The following TP73 variants were observed in gnomAD, a reference collection of about 807,000 sequenced individuals.
The protein encoded by TP73 is tumor protein p73, also known as p53-like transcription factor.
TP73 carries 25 observed loss-of-function variants against 62.5 expected under a neutral mutation model. The observed-to-expected ratio is 0.40, with a 90% CI of 0.29 to 0.56. The LOEUF is 0.56. TP73 is among the 20% of genes least tolerant of loss of function. The pLI, the probability that TP73 is intolerant of heterozygous loss-of-function variation, is 0.46. For synonymous variants in TP73, 423 were observed against 377.5 expected, an observed-to-expected ratio of 1.12 and a Z score of -1.40; for missense variants, 754 against 913.3, an observed-to-expected ratio of 0.83 and a Z score of 2.25.
chr1:3,727,347 G>A (rs1444849541), intron 7 of TP73, 123 bp downstream of exon 7: 1 of 1,075,126 alleles, frequency 9.3e-7, no homozygotes, highest in East Asian at 2.6e-5. Flanking sequence ...TTTGGGGTGT[G>A]CTGCTGGAGG....
intron 1 of TP73, among the ~76,000 whole-genome samples, chr1:3,658,517 G>C (rs550503759): frequency 6.9e-6 from 1 of 145,330 alleles, no homozygotes. Flanking sequence ...GGGAGGAAAC[G>C]TCTGGGCATA....
chr1:3,699,353 G>A lies in TP73; in HGVS notation c.187-8196G>A, dbSNP rs943076581. On this transcript the variant is annotated intron_variant, in intron 3 of 13. Coordinates refer to ENST00000378295, the MANE Select transcript of TP73 (RefSeq NM_005427.4). The surrounding 1 kb of genome is among the most constrained non-coding windows in gnomAD (Gnocchi z 4.1). ...GCCCACGAGAGATCAGGGAGTTTGAGGAGCGGCATACTCTCAAAAAACCAC... is the reference window on the plus strand; with the variant it reads ...GCCCACGAGAGATCAGGGAGTTTGAAGAGCGGCATACTCTCAAAAAACCAC... 3.9e-5 allele frequency among the ~76,000 whole-genome samples: 6 copies of A among 152,066 alleles called. No individual in the cohort carries two copies. Among genetic ancestry groups the A allele is most frequent in the African/African-American group, 1.5e-4 (6 of 41,376 alleles).
At chr1:3,690,827 C>T in intron 3 of TP73, 1 of 1,544,054 alleles carries the variant, frequency 6.5e-7, no homozygotes, top group Non-Finnish European at 8.7e-7. Context: ...CGTGACCCTT[C>T]CCCTCGGGCC....
intron 3 of TP73, among the ~76,000 whole-genome samples, chr1:3,704,422 C>T (rs547273349): frequency 5.3e-5 from 8 of 152,254 alleles, no homozygotes; most frequent in African/African-American, 1.7e-4. Flanking sequence ...CAGTGGCCAC[C>T]GTATCCAGGG....
At position 3,732,344 on chromosome 1, in the gene TP73, C is replaced by T. The variant is rs571157393; in HGVS notation, c.1579-403C>T. Among the ~76,000 whole-genome samples the T allele has an allele frequency of 5.9e-5, 9 of 152,356 alleles. No individual in the cohort carries two copies. In the South Asian group the frequency reaches 1.9e-3, roughly 32 times the overall value. On this transcript the variant is annotated intron_variant, in intron 13 of 13. Transcript: ENST00000378295. ...CCTGTCCCCAGTGACCCACGCTGAG[C>T]CAGCTCCAGGTCACGTTAACCCTTG...
chr1:3,732,091 C>T (rs1040054988), intron 13 of TP73, among the ~76,000 whole-genome samples: 15 of 152,318 alleles, frequency 9.8e-5, no homozygotes, highest in South Asian at 4.1e-4. Context: ...TAGCCTAGGA[C>T]GGTGTGAACC....
rs1273822691 is a variant in TP73 at position 3,736,137 on chromosome 1, T to G, written c.*3058T>G. 2 of 152,242 alleles carry G rather than the reference T, an allele frequency of 1.3e-5. No individual in the cohort carries two copies. The highest frequency in any genetic ancestry group is 4.8e-5 in the African/African-American group (2 of 41,460). The allele number at this position is 152,242 out of a possible 1,614,324, so 9.4% of individuals were successfully genotyped here. ...ATGTAATCTTGGGAAAATGTGTTATTTTTTTAGCTGTGTTTCAGTGGGGAT... is the reference window on the plus strand; with the variant it reads ...ATGTAATCTTGGGAAAATGTGTTATGTTTTTAGCTGTGTTTCAGTGGGGAT... On this transcript the variant is annotated 3_prime_UTR_variant, in exon 14 of 14. Transcript: ENST00000378295.
chr1:3,723,040 C>T (rs981864767), intron 5 of TP73, among the ~76,000 whole-genome samples: 1 of 150,608 alleles, frequency 6.6e-6, no homozygotes, highest in African/African-American at 2.4e-5. Context: ...CACCTCTCTG[C>T]ACCTGGCATG....
Position 3,682,342 on chromosome 1 carries a change from C to A in TP73, c.-24C>A, listed in dbSNP as rs754166662. 1 of 1,509,270 alleles carries A rather than the reference C, an allele frequency of 6.6e-7. No homozygotes were observed. 93.5% of individuals were successfully genotyped at this position (1,509,270 alleles called of 1,614,324 possible). Reference sequence around the variant, plus strand: ...TCCTTCCTTCCTGCAGAGCGAGCTGCCCTCGGAGGCCGGCGTGGGGAAGAT... The same window carrying A: ...TCCTTCCTTCCTGCAGAGCGAGCTGACCTCGGAGGCCGGCGTGGGGAAGAT... On this transcript the variant is annotated 5_prime_UTR_variant, in exon 2 of 14. Coordinates refer to ENST00000378295, the MANE Select transcript of TP73 (RefSeq NM_005427.4).
chr1:3,656,153 C>T (rs1052897848), intron 1 of TP73, among the ~76,000 whole-genome samples: 5 of 148,690 alleles, frequency 3.4e-5, no homozygotes, highest in African/African-American at 2.5e-5. Context: ...CCAGCCTGGG[C>T]GACAGAGCGA....
Position 3,730,015 on chromosome 1 carries a change from C to T in TP73, c.1212C>T (p.Pro404=). 6.2e-7 allele frequency: 1 copy of T among 1,604,750 alleles called. No individual in the cohort carries two copies. Among genetic ancestry groups the T allele is most frequent in the Non-Finnish European group, 8.5e-7 (1 of 1,174,302 alleles). Residue 404 remains proline, a synonymous_variant, in exon 11 of 14, where the codon CCC becomes CCT. Transcript: ENST00000378295. ...QLLQRPSHLQ[P]PSYGPVLSPM... ...TTCTGAGCAGGAGTCACCTACAGCC[C>T]CCGTCCTACGGGCCGGTCCTCTCGC...
intron 1 of TP73, among the ~76,000 whole-genome samples, chr1:3,661,561 T>C (rs954007373): frequency 6.6e-5 from 10 of 151,326 alleles, no homozygotes; most frequent in African/African-American, 2.4e-4. Context: ...ATACAAAAAT[T>C]AGCCAGGCAT....
chr1:3,668,552 T>C (rs1428185998), intron 1 of TP73: 1 of 113,460 alleles, frequency 8.8e-6, no homozygotes, highest in East Asian at 2.7e-4. Context: ...GTGTGTATTG[T>C]TGGTAGGACC....
chr1:3,669,452 A>G (rs970198714), intron 1 of TP73, among the ~76,000 whole-genome samples: 4 of 152,158 alleles, frequency 2.6e-5, no homozygotes, highest in African/African-American at 9.7e-5. Context: ...TGGCTCTGGT[A>G]CCGCCACCTC....
intron 1 of TP73, among the ~76,000 whole-genome samples, chr1:3,665,046 A>G (rs190860156): frequency 6.6e-6 from 1 of 152,302 alleles, no homozygotes; most frequent in East Asian, 1.9e-4. Flanking sequence ...ACTCCAAGCT[A>G]GTTAATGAGC....
Position 3,699,026 on chromosome 1 carries a change from C to CGGGTGAGAGCAGAGGGTGCTGT in TP73, c.187-8511_187-8490dup, listed in dbSNP as rs1396411755. ...ATTGGGCAAGGCCTCGCCTCAGCCC[C>CGGGTGAGAGCAGAGGGTGCTGT]GGGTGAGAGCAGAGGGTGCTGTGGG... On this transcript the variant is annotated intron_variant, in intron 3 of 13. Transcript: ENST00000378295. The surrounding 1 kb of genome is among the most constrained non-coding windows in gnomAD (Gnocchi z 4.1). 2.0e-5 allele frequency among the ~76,000 whole-genome samples: 3 copies of CGGGTGAGAGCAGAGGGTGCTGT among 148,490 alleles called. No individual in the cohort carries two copies. Among genetic ancestry groups the CGGGTGAGAGCAGAGGGTGCTGT allele is most frequent in the African/African-American group, 5.3e-5 (2 of 38,034 alleles).
chr1:3,665,389 T>C (rs190923528), intron 1 of TP73, among the ~76,000 whole-genome samples: 1 of 152,314 alleles, frequency 6.6e-6, no homozygotes, highest in Admixed American at 6.5e-5. Context: ...TGAATTCTGA[T>C]AAAAATAGCA....
intron 4 of TP73, 63 bp from the exon 5 acceptor site, chr1:3,721,958 G>A: frequency 1.3e-6 from 2 of 1,505,474 alleles, no homozygotes; most frequent in Non-Finnish European, 8.9e-7. Context: ...CCAATGGGGG[G>A]TGGCCTGGAC....
chr1:3,719,761 C>T (rs1233101035), intron 4 of TP73, among the ~76,000 whole-genome samples: 2 of 132,716 alleles, frequency 1.5e-5, no homozygotes, highest in African/African-American at 8.6e-5. Flanking sequence ...CCAGACTGAC[C>T]CCACAACAAG....
Sources: gnomAD v4.1 joint callset for allele counts (sites outside exome capture counted in the v4.1 genomes callset) on GRCh38, gnomAD v4.1.1 for gene constraint, Gnocchi (gnomAD v3.1) non-coding constraint, MANE v1.5 for transcripts, NCBI Gene and HGNC (gene_info 2026-07-23, HGNC 2026-07-21) for gene names.